The following TMEM94 variants were observed in gnomAD, a reference collection of about 807,000 sequenced individuals.
The protein encoded by TMEM94 is transmembrane protein 94.
TMEM94 carries 81 observed loss-of-function variants against 158.6 expected under a neutral mutation model. The observed-to-expected ratio is 0.51, with a 90% CI of 0.43 to 0.61. The LOEUF (loss-of-function observed/expected upper bound fraction) is 0.61, where lower values mean the gene tolerates loss of function less well. Among genes scored for constraint, TMEM94 ranks in the 20% least tolerant of loss-of-function variants. The pLI is 0.00. For missense variants in TMEM94, 1,435 were observed against 1,762.0 expected (o/e 0.81, Z 3.32); for synonymous variants, 751 against 730.7 (o/e 1.03, Z -0.45).
At chr17:75,486,096 C>G in intron 4 of TMEM94, 98 bp downstream of exon 4, 1 of 1,467,806 alleles carries the variant, frequency 6.8e-7, no homozygotes, top group Middle Eastern at 2.5e-4. Context: ...CTGTCACCCC[C>G]AAGCTGCTCC....
rs1162075373 is a variant in TMEM94 at position 75,485,053 on chromosome 17, A to G, written c.25-375A>G. Among the ~76,000 whole-genome samples the G allele has an allele frequency of 6.6e-6, 1 of 150,920 alleles. No individual in the cohort carries two copies. Among genetic ancestry groups the G allele is most frequent in the Non-Finnish European group, 1.5e-5 (1 of 67,818 alleles). The stretch of plus-strand genomic sequence containing the variant: ...ACTCTATCTAAAAAAAAAAAAAAAA[A>G]TTGTCCATGCAATCAAAGACTGGCC... On this transcript the variant is annotated intron_variant, in intron 2 of 31. Transcript: ENST00000314256. This position sits in a 1 kb window ranked among gnomAD's most constrained non-coding sequence, Gnocchi z 5.5.
chr17:75,487,950 G>A lies in TMEM94; in HGVS notation c.428G>A (p.Arg143Lys), dbSNP rs368537155. 9.3e-6 allele frequency: 15 copies of A among 1,613,804 alleles called. No individual in the cohort carries two copies. Among genetic ancestry groups the A allele is most frequent in the Admixed American group, 1.7e-5 (1 of 60,008 alleles). The stretch of plus-strand genomic sequence containing the variant: ...CCCTCAGATGCCCTCAGGGATGGCA[G>A]GGAGATCCAGTGGCCCAGTGCCATG... Reference protein sequence around the residue: ...DQIQDALRDGREIQWPSAMYP... With the variant: ...DQIQDALRDGKEIQWPSAMYP... Residue 143 changes from arginine (R) to lysine (K), a missense_variant, in exon 6 of 32, where the codon AGG (arginine) becomes AAG (lysine). By Grantham distance (26) the Arg-to-Lys change is conservative. Coordinates refer to ENST00000314256, the MANE Select transcript of TMEM94 (RefSeq NM_014738.6). This position sits in a 1 kb window ranked among gnomAD's most constrained non-coding sequence, Gnocchi z 4.6.
In TMEM94 at chr17:75,495,136, A is replaced by G; in HGVS notation, c.2728+102A>G. On this transcript the variant is annotated intron_variant, in intron 20 of 31. Transcript: ENST00000314256. This position sits in a 1 kb window ranked among gnomAD's most constrained non-coding sequence, Gnocchi z 5.6. ...CCTCCGGAGAGCCCTCCAGTTAAGT[A>G]CATTCCCTTGGGAAATGGCTCTGAT... 6.6e-7 allele frequency: 1 copy of G among 1,505,232 alleles called. No individual in the cohort carries two copies. Among genetic ancestry groups the G allele is most frequent in the Non-Finnish European group, 9.0e-7 (1 of 1,112,306 alleles). 93.2% of individuals were successfully genotyped at this position (1,505,232 alleles called of 1,614,324 possible). A position where few individuals can be genotyped will look rare whatever the true frequency, so the allele number is the denominator to read the frequency against.
intron 1 of TMEM94, among the ~76,000 whole-genome samples, chr17:75,471,280 G>A (rs1567913284): frequency 6.7e-6 from 1 of 148,612 alleles, no homozygotes; most frequent in Non-Finnish European, 1.5e-5. Flanking sequence ...AGAAAATGAA[G>A]GGTGAAAGAG....
chr17:75,469,175 C>CT (rs979293097), intron 1 of TMEM94, among the ~76,000 whole-genome samples: 6 of 152,104 alleles, frequency 3.9e-5, no homozygotes, highest in African/African-American at 1.4e-4. Flanking sequence ...GGGCTGCGGG[C>CT]TTGCACATGC....
At position 75,488,050 on chromosome 17, in the gene TMEM94, C is replaced by T. The variant is rs2051777670; in HGVS notation, c.528C>T (p.Asn176=). 6.2e-7 allele frequency: 1 copy of T among 1,614,224 alleles called. No homozygotes were observed. The highest frequency in any genetic ancestry group is 8.5e-7 in the Non-Finnish European group (1 of 1,180,052). Residue 176 remains asparagine, a synonymous_variant, in exon 6 of 32, where the codon AAC becomes AAT. Coordinates refer to ENST00000314256, the MANE Select transcript of TMEM94 (RefSeq NM_014738.6). ...HWAYRDGHLV[N]LPVSLLVEGD... ...CCTACAGAGACGGACACCTGGTCAA[C>T]CTGCCAGTCAGCCTGCTGGTTGAAG... is the stretch of plus-strand genomic sequence containing the variant.
At chr17:75,488,623 A>G (rs2051841464) in intron 6 of TMEM94, 136 bp from the exon 7 acceptor site, 2 of 990,324 alleles carry the variant, frequency 2.0e-6, no homozygotes, top group East Asian at 4.9e-5. Flanking sequence ...CTAGTCCCAC[A>G]GGCCCTGTCC....
At chr17:75,466,619 C>T (rs181246500) in intron 1 of TMEM94, among the ~76,000 whole-genome samples, 67 of 152,156 alleles carry the variant, frequency 4.4e-4, no homozygotes, top group Admixed American at 3.5e-3. Context: ...GAGTTCAAGA[C>T]CAGCCTGGCC....
chr17:75,492,447 TGAG>T lies in TMEM94; in HGVS notation c.1597-25_1597-23del. The T allele has an allele frequency of 6.4e-7, 1 of 1,555,708 alleles. No homozygotes were observed. Among genetic ancestry groups the T allele is most frequent in the Non-Finnish European group, 8.7e-7 (1 of 1,147,306 alleles). On this transcript the variant is annotated intron_variant, in intron 14 of 31. Coordinates refer to ENST00000314256, the MANE Select transcript of TMEM94 (RefSeq NM_014738.6). The surrounding 1 kb of genome is among the most constrained non-coding windows in gnomAD (Gnocchi z 4.4). ...GGCTTCCCCACACCCTATCCCGGGC[TGAG>T]GCTCTCCTCCACATTTCCCCCAGAC...
At position 75,492,679 on chromosome 17, in the gene TMEM94, G is replaced by T. The variant is rs370865722; in HGVS notation, c.1802G>T (p.Arg601Leu). 1.9e-6 allele frequency: 3 copies of T among 1,613,568 alleles called. No individual in the cohort carries two copies. Among genetic ancestry groups the T allele is most frequent in the African/African-American group, 1.3e-5 (1 of 74,904 alleles). Residue 601 changes from arginine (R) to leucine (L), a missense_variant, in exon 15 of 32, where the codon CGC becomes CTC. This residue lies in a region of TMEM94 where 1,051 missense variants were observed against 1,254.4 expected (regional missense o/e 0.84). Transcript: ENST00000314256. The surrounding 1 kb of genome is among the most constrained non-coding windows in gnomAD (Gnocchi z 4.4). ...CTGTGTGATGCCAGCGTCACCGAGCGCCTGTGCCGATTCTCCGACCACCTG... is the reference window on the plus strand; with the variant it reads ...CTGTGTGATGCCAGCGTCACCGAGCTCCTGTGCCGATTCTCCGACCACCTG... The part of the protein sequence containing the change: ...LNLCDASVTE[R>L]LCRFSDHLCN...
rs1598432639 is a variant in TMEM94, at chr17:75,495,931, T to C, written c.2945-35T>C. 1 of 1,504,014 alleles carries C rather than the reference T, an allele frequency of 6.6e-7. No individual in the cohort carries two copies. Among genetic ancestry groups the C allele is most frequent in the Non-Finnish European group, 9.2e-7 (1 of 1,084,698 alleles). 93.2% of individuals were successfully genotyped at this position (1,504,014 alleles called of 1,614,324 possible). ...CCCAGTGCCCACTTGGTGCTCTGCCTGCCTGACTCTGGTGCCCTTATACGC... is the reference window on the plus strand; with the variant it reads ...CCCAGTGCCCACTTGGTGCTCTGCCCGCCTGACTCTGGTGCCCTTATACGC... On this transcript the variant is annotated intron_variant, in intron 22 of 31. Coordinates refer to ENST00000314256, the MANE Select transcript of TMEM94 (RefSeq NM_014738.6). This position sits in a 1 kb window ranked among gnomAD's most constrained non-coding sequence, Gnocchi z 5.6.
chr17:75,475,722 C>T (rs759720014), intron 2 of TMEM94, among the ~76,000 whole-genome samples: 9 of 42,142 alleles, frequency 2.1e-4, no homozygotes, highest in South Asian at 7.8e-4. Context: ...TGGGCATTCC[C>T]GGGCAGCCTC....
chr17:75,496,201 G>A (rs1253888429), intron 23 of TMEM94, 81 bp from the exon 24 acceptor site: 1 of 1,587,314 alleles, frequency 6.3e-7, no homozygotes, highest in East Asian at 2.2e-5. Flanking sequence ...CAATGCACCT[G>A]GGCATGGTGG....
chr17:75,485,701 A>AGGAGCCACTCT lies in TMEM94; in HGVS notation c.144+155_144+156insGAGCCACTCTG. The AGGAGCCACTCT allele has an allele frequency of 7.4e-7, 1 of 1,343,244 alleles. No individual in the cohort carries two copies. The highest frequency in any genetic ancestry group is 1.0e-6 in the Non-Finnish European group (1 of 980,198). The allele number at this position is 1,343,244 out of a possible 1,614,324, so 83.2% of individuals were successfully genotyped here. On this transcript the variant is annotated intron_variant, in intron 3 of 31. Coordinates refer to ENST00000314256, the MANE Select transcript of TMEM94 (RefSeq NM_014738.6). This position sits in a 1 kb window ranked among gnomAD's most constrained non-coding sequence, Gnocchi z 5.5. ...TCAGAAAGAAGCCAAGGTTCCCCTC[A>AGGAGCCACTCT]GAGTGGCTCCTGAGCCTGCTTGCTG...
chr17:75,488,345 C>T (rs1598396433), intron 6 of TMEM94, among the ~76,000 whole-genome samples: 1 of 152,182 alleles, frequency 6.6e-6, no homozygotes, highest in East Asian at 1.9e-4. Context: ...GGCACGATCT[C>T]AACTCACTGA....
intron 1 of TMEM94, among the ~76,000 whole-genome samples, chr17:75,471,112 C>T (rs1046442151): frequency 6.6e-6 from 1 of 151,154 alleles, no homozygotes; most frequent in Admixed American, 6.6e-5. Context: ...TGGCAAGTGC[C>T]TGTGATCCCA....
At chr17:75,477,670 G>A (rs568614254) in intron 2 of TMEM94, among the ~76,000 whole-genome samples, 1 of 152,266 alleles carries the variant, frequency 6.6e-6, no homozygotes, top group Admixed American at 6.5e-5. Flanking sequence ...GCTGGAGTAG[G>A]AAGGAGAGCA....
At chr17:75,465,128 G>A (rs1026279409) in intron 1 of TMEM94, among the ~76,000 whole-genome samples, 4 of 151,862 alleles carry the variant, frequency 2.6e-5, no homozygotes, top group African/African-American at 4.8e-5. Context: ...CATATTCTCA[G>A]TCTTTTTCAT....
chr17:75,495,116 G>A lies in TMEM94; in HGVS notation c.2728+82G>A, dbSNP rs1426992718. ...AGAGCCACAGCCAGGAAGAGCCTCC[G>A]GAGAGCCCTCCAGTTAAGTACATTC... On this transcript the variant is annotated intron_variant, in intron 20 of 31. Coordinates refer to ENST00000314256, the MANE Select transcript of TMEM94 (RefSeq NM_014738.6). The surrounding 1 kb of genome is among the most constrained non-coding windows in gnomAD (Gnocchi z 5.6). The A allele has an allele frequency of 5.8e-6, 9 of 1,553,970 alleles. No homozygotes were observed. The South Asian group carries it at 8.3e-5, about 14-fold the overall frequency.
Sources: allele counts gnomAD v4.1 joint callset (sites outside exome capture counted in the v4.1 genomes callset), GRCh38; gene constraint gnomAD v4.1.1; regional missense constraint gnomAD v4.1.1; non-coding constraint Gnocchi (gnomAD v3.1); transcripts MANE v1.5; gene names NCBI Gene and HGNC (gene_info 2026-07-23, HGNC 2026-07-21).